PSMA1: variants seen among roughly 807,000 people sequenced by gnomAD.
PSMA1 encodes proteasome 20S subunit alpha 1, also known as proteasome subunit alpha type-1.
In PSMA1, 3 loss-of-function variants were observed where a neutral mutation model predicts 38.4. The ratio of observed to expected loss-of-function variants is 0.08; its 90% CI spans 0.04 to 0.20. The LOEUF is 0.20. Among genes scored for constraint, PSMA1 ranks in the 10% least tolerant of loss-of-function variants. PSMA1 has a pLI of 1.00. For missense variants in PSMA1, 227 were observed against 325.3 expected, an observed-to-expected ratio of 0.70 and a Z score of 2.32; for synonymous variants, 101 against 107.1, an observed-to-expected ratio of 0.94 and a Z score of 0.35.
intron 2 of PSMA1, among the ~76,000 whole-genome samples, chr11:14,564,089 A>C (rs1362594750): frequency 6.6e-6 from 1 of 152,228 alleles, no homozygotes; most frequent in Non-Finnish European, 1.5e-5. Flanking sequence ...AACATCTTAC[A>C]AACTTATAAT....
intron 2 of PSMA1, among the ~76,000 whole-genome samples, chr11:14,563,203 G>C (rs981299516): frequency 6.6e-6 from 1 of 152,138 alleles, no homozygotes; most frequent in African/African-American, 2.4e-5. Flanking sequence ...CAATCTGTTT[G>C]TTTCCTGCTG....
In PSMA1 at chr11:14,627,557, C is replaced by A. The variant is rs1409456616; in HGVS notation, c.-166+15898G>T. On this transcript the variant is annotated intron_variant, in intron 1 of 10. Coordinates refer to the PSMA1 transcript ENST00000418988. The stretch of plus-strand genomic sequence containing the variant: ...TGGGTTCAAATCCTGGCTCCACCAA[C>A]TACTAGATGTGTAATCTTTGACAAA... 8.5e-5 allele frequency among the ~76,000 whole-genome samples: 13 copies of A among 152,288 alleles called. No homozygotes were observed. In the East Asian group the frequency reaches 2.5e-3, roughly 29 times the overall value.
upstream of PSMA1, among the ~76,000 whole-genome samples, chr11:14,524,789 T>C (rs1851569056): frequency 6.6e-6 from 1 of 152,000 alleles, no homozygotes; most frequent in African/African-American, 2.4e-5. Context: ...TGACCTCGGG[T>C]CCTCAGACCA....
At chr11:14,617,968 A>T (rs1852797743) in intron 1 of PSMA1, among the ~76,000 whole-genome samples, 1 of 152,142 alleles carries the variant, frequency 6.6e-6, no homozygotes, top group Non-Finnish European at 1.5e-5. Context: ...CTTTGGCCAG[A>T]TTATGTTTGT....
chr11:14,592,386 ATATATATAT>A (rs1852431746), intron 2 of PSMA1, among the ~76,000 whole-genome samples: 1 of 134,570 alleles, frequency 7.4e-6, no homozygotes, highest in Admixed American at 7.4e-5. Context: ...CTATATATAT[ATATATATAT>A]TTTTTTTTTA....
At chr11:14,517,788 G>C in intron 3 of PSMA1, 43 bp from the exon 4 acceptor site, 2 of 1,362,598 alleles carry the variant, frequency 1.5e-6, no homozygotes, top group Non-Finnish European at 2.0e-6. Context: ...AAAAAAAAGA[G>C]ACAAATGTAA....
chr11:14,523,137 AAGAAG>A (rs1485608754), upstream of PSMA1, among the ~76,000 whole-genome samples: 2 of 152,212 alleles, frequency 1.3e-5, no homozygotes, highest in Non-Finnish European at 1.5e-5. Context: ...TGTAGACCAA[AAGAAG>A]GGGCATTTGG....
At chr11:14,585,723 C>G (rs1852337614) in intron 2 of PSMA1, among the ~76,000 whole-genome samples, 1 of 152,184 alleles carries the variant, frequency 6.6e-6, no homozygotes, top group African/African-American at 2.4e-5. Context: ...CTCTGTTCTG[C>G]TCATGCTAGC....
chr11:14,510,717 A>C (rs1428734124), intron 8 of PSMA1, among the ~76,000 whole-genome samples, 155 bp downstream of exon 8: 1 of 152,226 alleles, frequency 6.6e-6, no homozygotes, highest in Non-Finnish European at 1.5e-5. Flanking sequence ...TAAAAAATAA[A>C]ATTGGATTAC....
intron 2 of PSMA1, among the ~76,000 whole-genome samples, chr11:14,551,438 G>A (rs940975878): frequency 2.6e-5 from 4 of 152,166 alleles, no homozygotes; most frequent in Non-Finnish European, 5.9e-5. Flanking sequence ...TTGATGGAAG[G>A]GGTGGTGAGC....
intron 2 of PSMA1, among the ~76,000 whole-genome samples, chr11:14,557,475 T>A (rs1421524374): frequency 6.6e-5 from 10 of 152,066 alleles, no homozygotes; most frequent in Non-Finnish European, 4.4e-5. Context: ...ATCTCTTGAC[T>A]TCGTGATCCG....
At chr11:14,510,233 AATAC>A (rs1194745504) in intron 8 of PSMA1, among the ~76,000 whole-genome samples, 1 of 152,108 alleles carries the variant, frequency 6.6e-6, no homozygotes, top group African/African-American at 2.4e-5. Context: ...CCTTGCCTTA[AATAC>A]TAGGGCCTTT....
intron 7 of PSMA1, among the ~76,000 whole-genome samples, chr11:14,511,779 T>C (rs570036906): frequency 6.6e-6 from 1 of 152,302 alleles, no homozygotes; most frequent in South Asian, 2.1e-4. Flanking sequence ...CAACTTATAT[T>C]CATCATTGTA....
intron 2 of PSMA1, among the ~76,000 whole-genome samples, chr11:14,556,960 C>A (rs2134171285): frequency 6.6e-6 from 1 of 152,290 alleles, no homozygotes; most frequent in East Asian, 1.9e-4. Flanking sequence ...ATCAGCCTTC[C>A]AAGCAGTGGG....
chr11:14,507,810 T>A, intron 8 of PSMA1, 44 bp from the exon 9 acceptor site: 1 of 1,236,532 alleles, frequency 8.1e-7, no homozygotes, highest in Non-Finnish European at 1.2e-6. Flanking sequence ...AGAATTTGGA[T>A]GAAAAAATAC....
upstream of PSMA1, among the ~76,000 whole-genome samples, chr11:14,522,093 T>C (rs935712533): frequency 6.6e-6 from 1 of 152,208 alleles, no homozygotes; most frequent in Non-Finnish European, 1.5e-5. Context: ...TATATCTCTC[T>C]AGTCACATGC....
Position 14,575,756 on chromosome 11 carries a change from A to G in PSMA1, c.21+35210T>C, listed in dbSNP as rs868263788. ...TGTCTTTATAGCAGCATGATTTATA[A>G]TCCTTTGGGTATATACCCAGTAATG... is the stretch of plus-strand genomic sequence containing the variant. On this transcript the variant is annotated intron_variant, in intron 2 of 10. Transcript: ENST00000418988. Among the ~76,000 whole-genome samples, 497 of 152,276 alleles carry G rather than the reference A, an allele frequency of 3.3e-3. 6 individuals are homozygous for G. The highest frequency in any genetic ancestry group is 0.011 in the African/African-American group (464 of 41,538).
chr11:14,575,263 T>C (rs565518478), intron 2 of PSMA1, among the ~76,000 whole-genome samples: 5 of 152,324 alleles, frequency 3.3e-5, no homozygotes, highest in South Asian at 4.1e-4. Flanking sequence ...AAATTTATTA[T>C]AGTTTAATTA....
intron 2 of PSMA1, among the ~76,000 whole-genome samples, chr11:14,578,482 A>G (rs1002162697): frequency 2.0e-5 from 3 of 152,220 alleles, no homozygotes; most frequent in Admixed American, 6.5e-5. Context: ...ATCTGATTTA[A>G]TCCAATAGCT....
Sources: allele counts gnomAD v4.1 joint callset (sites outside exome capture counted in the v4.1 genomes callset), GRCh38; gene constraint gnomAD v4.1.1; transcripts MANE v1.5; gene names NCBI Gene and HGNC (gene_info 2026-07-23, HGNC 2026-07-21).